SNX29: variants seen among roughly 807,000 people sequenced by gnomAD.
SNX29 encodes the protein sorting nexin-29.
SNX29 carries 78 observed loss-of-function variants against 102.1 expected under a neutral mutation model. The observed-to-expected ratio is 0.76, with a 90% CI of 0.64 to 0.92. The LOEUF (loss-of-function observed/expected upper bound fraction) is 0.92, where lower values mean the gene tolerates loss of function less well. Among genes scored for constraint, SNX29 ranks in the 40% least tolerant of loss-of-function variants. The pLI, the probability that SNX29 is intolerant of heterozygous loss-of-function variation, is 0.00. For missense variants in SNX29, 1,280 were observed against 1,061.7 expected, an observed-to-expected ratio of 1.21 and a Z score of -2.86; for synonymous variants, 580 against 414.5, an observed-to-expected ratio of 1.40 and a Z score of -4.85.
At chr16:12,453,841 A>G (rs1379015610) in intron 18 of SNX29, among the ~76,000 whole-genome samples, 3 of 152,140 alleles carry the variant, frequency 2.0e-5, no homozygotes, top group Non-Finnish European at 4.4e-5. Context: ...ATGGCAGGGA[A>G]GGTATCTTTG....
At chr16:12,291,085 T>A (rs901276934) in intron 15 of SNX29, among the ~76,000 whole-genome samples, 1 of 152,164 alleles carries the variant, frequency 6.6e-6, no homozygotes, top group Admixed American at 6.5e-5. Flanking sequence ...CTGTGGCAAA[T>A]GCTTGATACT....
intron 18 of SNX29, among the ~76,000 whole-genome samples, chr16:12,458,832 C>G (rs1473750531): frequency 6.6e-6 from 1 of 152,182 alleles, no homozygotes; most frequent in African/African-American, 2.4e-5. Context: ...AGTGAGCACT[C>G]ACACAGGAGA....
chr16:12,001,714 C>A (rs2056294599), intron 2 of SNX29, among the ~76,000 whole-genome samples: 1 of 152,050 alleles, frequency 6.6e-6, no homozygotes, highest in Admixed American at 6.6e-5. Context: ...AGATACTATA[C>A]CTTTAAAAGA....
intron 19 of SNX29, among the ~76,000 whole-genome samples, chr16:12,478,525 T>C (rs1437154250): frequency 6.6e-6 from 1 of 152,156 alleles, no homozygotes; most frequent in Non-Finnish European, 1.5e-5. Context: ...GCAAGCTCAT[T>C]GGTTGATTAA....
Position 12,571,617 on chromosome 16 carries a change from C to CA in SNX29, c.*2989dup. The stretch of plus-strand genomic sequence containing the variant: ...AAACAGAACAGCAGGTTCCATCTTT[C>CA]ACATCTTTTTTTCTCCCCCAGATGA... On this transcript the variant is annotated 3_prime_UTR_variant, in exon 21 of 21. Transcript: ENST00000566228. 9.4e-7 allele frequency: 1 copy of CA among 1,060,096 alleles called. No individual in the cohort carries two copies. The highest frequency in any genetic ancestry group is 1.1e-6 in the Non-Finnish European group (1 of 876,074). 65.7% of individuals were successfully genotyped at this position (1,060,096 alleles called of 1,614,324 possible).
intron 18 of SNX29, among the ~76,000 whole-genome samples, chr16:12,428,878 C>T (rs984224052): frequency 1.1e-4 from 17 of 152,180 alleles, no homozygotes; most frequent in African/African-American, 3.9e-4. Context: ...TCTCACCACA[C>T]AGATACGATT....
chr16:12,471,473 G>A (rs575407366), intron 18 of SNX29, among the ~76,000 whole-genome samples: 4 of 152,336 alleles, frequency 2.6e-5, no homozygotes, highest in African/African-American at 9.6e-5. Flanking sequence ...TGGCTGGCAA[G>A]GGGTGCAGCT....
intron 17 of SNX29, among the ~76,000 whole-genome samples, chr16:12,401,580 T>TC (rs1228716347): frequency 6.6e-6 from 1 of 152,002 alleles, no homozygotes; most frequent in Non-Finnish European, 1.5e-5. Context: ...GCCAGGCTGG[T>TC]CTCGAACTCC....
At chr16:12,524,952 G>A in intron 20 of SNX29, 111 bp downstream of exon 20, 1 of 1,468,804 alleles carries the variant, frequency 6.8e-7, no homozygotes, top group Admixed American at 2.1e-5. Context: ...TGATCGCCAT[G>A]GGACCCAGGC....
At chr16:12,337,323 A>C (rs2081480953) in intron 15 of SNX29, among the ~76,000 whole-genome samples, 1 of 151,922 alleles carries the variant, frequency 6.6e-6, no homozygotes, top group Non-Finnish European at 1.5e-5. Flanking sequence ...GATTTAAGGT[A>C]TGCAATGCGA....
intron 18 of SNX29, among the ~76,000 whole-genome samples, chr16:12,458,286 A>C (rs528204827): frequency 6.6e-6 from 1 of 152,178 alleles, no homozygotes; most frequent in African/African-American, 2.4e-5. Context: ...GGCATTATTT[A>C]AAACCTCTTA....
In SNX29 at chr16:12,198,300, A is replaced by G. The variant is rs541936480; in HGVS notation, c.1596-1301A>G. Among the ~76,000 whole-genome samples the G allele has an allele frequency of 8.5e-5, 13 of 152,122 alleles. No homozygotes were observed. The South Asian group carries it at 2.7e-3, about 31-fold the overall frequency. ...ATTAAAGCATTGTGAAGGGTGTATC[A>G]TCCCCCTAAAATTATTAGGATGTGT... On this transcript the variant is annotated intron_variant, in intron 13 of 20. Coordinates refer to ENST00000566228, the MANE Select transcript of SNX29 (RefSeq NM_032167.5).
At chr16:12,025,956 A>G (rs986727041) in intron 3 of SNX29, among the ~76,000 whole-genome samples, 2 of 152,234 alleles carry the variant, frequency 1.3e-5, no homozygotes, top group African/African-American at 4.8e-5. Context: ...CAAGTGTAAA[A>G]TGGAGATAAT....
chr16:12,507,339 C>T (rs529625587), intron 19 of SNX29, among the ~76,000 whole-genome samples: 8 of 152,318 alleles, frequency 5.3e-5, no homozygotes, highest in Non-Finnish European at 7.4e-5. Flanking sequence ...TCCTGTCTGG[C>T]GTTGCTGGTA....
intron 20 of SNX29, chr16:12,545,543 A>G (rs1374637179): frequency 1.3e-5 from 2 of 152,196 alleles, no homozygotes; most frequent in Non-Finnish European, 2.9e-5. Flanking sequence ...TTGCCAGCAG[A>G]CGACTTATGG....
chr16:12,214,748 C>T (rs1264388581), intron 14 of SNX29, among the ~76,000 whole-genome samples: 1 of 152,140 alleles, frequency 6.6e-6, no homozygotes, highest in East Asian at 1.9e-4. Flanking sequence ...ACTCTGCAGT[C>T]TCCCTGATGC....
At chr16:12,448,742 A>T (rs886267834) in intron 18 of SNX29, among the ~76,000 whole-genome samples, 2 of 152,160 alleles carry the variant, frequency 1.3e-5, no homozygotes, top group Admixed American at 1.3e-4. Context: ...ACTTTCCCTG[A>T]AGTGTCTGGC....
chr16:12,215,624 C>T (rs35506767), intron 14 of SNX29, among the ~76,000 whole-genome samples: 4,841 of 152,256 alleles, frequency 0.032, 203 homozygotes, highest in South Asian at 0.23. Flanking sequence ...GCAGGTGGAC[C>T]TTGAGTCCTA....
intron 13 of SNX29, among the ~76,000 whole-genome samples, chr16:12,170,471 G>C (rs182833984): frequency 6.6e-6 from 1 of 152,038 alleles, no homozygotes; most frequent in South Asian, 2.1e-4. Flanking sequence ...TGGGGGAGGC[G>C]TGTGGATGGG....
Sources: allele counts gnomAD v4.1 joint callset (sites outside exome capture counted in the v4.1 genomes callset), GRCh38; gene constraint gnomAD v4.1.1; transcripts MANE v1.5; gene names NCBI Gene and HGNC (gene_info 2026-07-23, HGNC 2026-07-21).